Variants in MEAK7 observed in about 807,000 individuals in gnomAD.
MEAK7 encodes MTOR-associated protein MEAK7.
In MEAK7, 68 loss-of-function variants were observed where a neutral mutation model predicts 40.5. The ratio of observed to expected loss-of-function variants is 1.68; its 90% confidence interval spans 1.38 to 2.06. The LOEUF is 2.06. Among genes scored for constraint, MEAK7 ranks in the 30% most tolerant of loss-of-function variants. The probability of loss-of-function intolerance (pLI) is 0.00; values close to 1 mark genes in which losing one functional copy is unlikely to be tolerated. For synonymous variants in MEAK7, 338 were observed against 231.9 expected (o/e 1.46, Z -4.16); for missense variants, 918 against 580.5 (o/e 1.58, Z -5.98).
At chr16:84,485,084 C>A (rs1472392086) in intron 5 of MEAK7, among the ~76,000 whole-genome samples, 3 of 152,176 alleles carry the variant, frequency 2.0e-5, no homozygotes, top group Non-Finnish European at 4.4e-5. Flanking sequence ...TGTGTAATTT[C>A]CCCGGAGCCC....
chr16:84,498,666 A>G lies in MEAK7; in HGVS notation c.-25-555T>C, dbSNP rs200146650. Among the ~76,000 whole-genome samples the G allele has an allele frequency of 2.0e-4, 31 of 152,258 alleles. No homozygotes were observed. The East Asian group carries it at 5.6e-3, about 27-fold the overall frequency. On this transcript the variant is annotated intron_variant, in intron 1 of 7. Transcript: ENST00000343629. ...GCCCATGACCTACTGAAACACACCC[A>G]TAATTGTCACAAAGTCTGGGTTTGA...
chr16:84,486,587 C>T, intron 5 of MEAK7, 44 bp downstream of exon 5: 2 of 1,538,718 alleles, frequency 1.3e-6, no homozygotes, highest in South Asian at 1.3e-5. Context: ...GAGCTCTTTG[C>T]CCGTGCTGTG....
chr16:84,498,400 C>A (rs1290053367), intron 1 of MEAK7, among the ~76,000 whole-genome samples: 2 of 152,008 alleles, frequency 1.3e-5, no homozygotes, highest in African/African-American at 4.8e-5. Flanking sequence ...TCCTGAGTAG[C>A]TGGGACTACA....
chr16:84,498,676 C>A (rs1263830627), intron 1 of MEAK7, among the ~76,000 whole-genome samples: 1 of 152,098 alleles, frequency 6.6e-6, no homozygotes, highest in African/African-American at 2.4e-5. Flanking sequence ...ATAATTGTCA[C>A]AAAGTCTGGG....
chr16:84,490,480 A>C (rs1273996144), intron 3 of MEAK7, among the ~76,000 whole-genome samples: 9 of 97,742 alleles, frequency 9.2e-5, no homozygotes, highest in African/African-American at 2.5e-4. Context: ...TTTTTTTTTT[A>C]CCTCAACAGC....
At position 84,489,295 on chromosome 16, in the gene MEAK7, G is replaced by T; in HGVS notation, c.512C>A (p.Ser171Tyr). 1 of 1,614,144 alleles carries T rather than the reference G, an allele frequency of 6.2e-7. No individual in the cohort carries two copies. Among genetic ancestry groups the T allele is most frequent in the Non-Finnish European group, 8.5e-7 (1 of 1,180,008 alleles). Reference protein sequence around the residue: ...RVQVLAAQLLSDMKLQDGKRL... With the variant: ...RVQVLAAQLLYDMKLQDGKRL... ...ACACTTGCCTTGCAGCTTCATGTCA[G>T]AGAGCAGCTGAGCAGCCAGCACCTG... is the stretch of plus-strand genomic sequence containing the variant. Residue 171 changes from serine to tyrosine, a missense_variant, in exon 4 of 8, where the codon TCT becomes TAT. Physicochemically the swap from Ser to Tyr is moderately radical, Grantham distance 144. Transcript: ENST00000343629.
chr16:84,478,323 G>C lies in MEAK7; in HGVS notation c.*1590C>G, dbSNP rs922141346. The C allele has an allele frequency of 2.0e-5, 3 of 152,194 alleles. No individual in the cohort carries two copies. Among genetic ancestry groups the C allele is most frequent in the Admixed American group, 2.0e-4 (3 of 15,284 alleles). The allele number at this position is 152,194 out of a possible 1,614,324, so 9.4% of individuals were successfully genotyped here. On this transcript the variant is annotated 3_prime_UTR_variant, in exon 8 of 8. Transcript: ENST00000343629. ...TCCTGCCCCTCCACACACTGTCTGA[G>C]CGTGCACTTTTCTTTCGAAGGCTAA...
At position 84,487,012 on chromosome 16, in the gene MEAK7, G is replaced by C. The variant is rs747200452; in HGVS notation, c.577C>G (p.Arg193Gly). 2 of 1,613,972 alleles carry C rather than the reference G, an allele frequency of 1.2e-6. No individual in the cohort carries two copies. Among genetic ancestry groups the C allele is most frequent in the Non-Finnish European group, 1.7e-6 (2 of 1,179,956 alleles). The part of the protein sequence containing the change: ...GPQWLDYDCD[R>G]AVIEDWVFRV... ...AACACCCAGTCCTCGATCACAGCTC[G>C]GTCACAGTCATAGTCCAGCCACTGG... is the stretch of plus-strand genomic sequence containing the variant. Residue 193 changes from arginine to glycine, a missense_variant, in exon 5 of 8, where the codon CGA becomes GGA. By Grantham distance (125) the Arg-to-Gly change is moderately radical. Transcript: ENST00000343629.
intron 4 of MEAK7, among the ~76,000 whole-genome samples, chr16:84,488,691 C>T (rs566372998): frequency 3.9e-5 from 6 of 152,194 alleles, no homozygotes; most frequent in African/African-American, 1.4e-4. Flanking sequence ...GTTACATAGC[C>T]AGTAGGCCAA....
intron 1 of MEAK7, among the ~76,000 whole-genome samples, chr16:84,499,240 C>CA (rs1159355737): frequency 6.6e-6 from 1 of 152,134 alleles, no homozygotes; most frequent in African/African-American, 2.4e-5. Flanking sequence ...TGAAAACAAA[C>CA]AAAAAATCTC....
chr16:84,482,280 C>T (rs1049632104), intron 6 of MEAK7, among the ~76,000 whole-genome samples: 3 of 152,204 alleles, frequency 2.0e-5, no homozygotes, highest in East Asian at 1.9e-4. Context: ...ACAGGTCTGG[C>T]GCTGACACCA....
rs451574 is a variant in MEAK7 at position 84,489,273 on chromosome 16, C to G, written c.529+5G>C. On this transcript the variant is annotated splice_donor_5th_base_variant and intron_variant, in intron 4 of 7. Transcript: ENST00000343629. ...ACCTGCATCACCGCGTCCACGCACA[C>G]TTGCCTTGCAGCTTCATGTCAGAGA... The G allele has an allele frequency of 1.4e-5, 23 of 1,613,772 alleles. No homozygotes were observed. In the East Asian group the frequency reaches 4.9e-4, roughly 34 times the overall value.
At chr16:84,500,600 C>G (rs1047552135) in intron 1 of MEAK7, among the ~76,000 whole-genome samples, 1 of 152,156 alleles carries the variant, frequency 6.6e-6, no homozygotes, top group African/African-American at 2.4e-5. Flanking sequence ...AGGCTGGAAA[C>G]GAGGGCTTAC....
At chr16:84,481,548 T>C (rs900075266) in intron 6 of MEAK7, among the ~76,000 whole-genome samples, 3 of 152,120 alleles carry the variant, frequency 2.0e-5, no homozygotes, top group African/African-American at 7.2e-5. Context: ...AGGGCAGCAG[T>C]GTGGTAAGCC....
intron 5 of MEAK7, among the ~76,000 whole-genome samples, chr16:84,484,634 T>A (rs925589403): frequency 1.3e-5 from 2 of 152,184 alleles, no homozygotes; most frequent in African/African-American, 2.4e-5. Context: ...CAGGGAAATA[T>A]CCTCTGTACT....
chr16:84,482,197 T>C (rs969218785), intron 6 of MEAK7, among the ~76,000 whole-genome samples: 1 of 152,138 alleles, frequency 6.6e-6, no homozygotes, highest in African/African-American at 2.4e-5. Flanking sequence ...ACATGCTGTC[T>C]CATGAGCTGC....
chr16:84,503,821 G>C, intron 1 of MEAK7: 2 of 571,230 alleles, frequency 3.5e-6, no homozygotes, highest in African/African-American at 2.0e-5. Flanking sequence ...TAGTATCCTA[G>C]GAATGGCTTA....
chr16:84,498,970 G>C (rs559835209), intron 1 of MEAK7, among the ~76,000 whole-genome samples: 2 of 152,168 alleles, frequency 1.3e-5, no homozygotes, highest in African/African-American at 4.8e-5. Flanking sequence ...AGCAAGAGGA[G>C]TCACAGCCCA....
At chr16:84,488,986 G>T (rs535313125) in intron 4 of MEAK7, among the ~76,000 whole-genome samples, 65 of 152,208 alleles carry the variant, frequency 4.3e-4, no homozygotes, top group Middle Eastern at 3.4e-3. Context: ...GAAACTAAAA[G>T]CTGGTTCTTC....
Sources: gnomAD v4.1 joint callset for allele counts (sites outside exome capture counted in the v4.1 genomes callset) on GRCh38, gnomAD v4.1.1 for gene constraint, MANE v1.5 for transcripts, NCBI Gene and HGNC (gene_info 2026-07-23, HGNC 2026-07-21) for gene names.